ARSG: variants seen among roughly 807,000 people sequenced by gnomAD.
The protein encoded by ARSG is arylsulfatase G.
ARSG carries 37 observed loss-of-function variants against 50.5 expected under a neutral mutation model. The ratio of observed to expected loss-of-function variants is 0.73; its 90% CI spans 0.56 to 0.96. The LOEUF is 0.96. Among genes scored for constraint, ARSG ranks in the 50% least tolerant of loss-of-function variants. The pLI is 0.00. For synonymous variants in ARSG, 225 were observed against 254.6 expected (o/e 0.88, Z 1.11); for missense variants, 629 against 675.3 (o/e 0.93, Z 0.76).
chr17:68,358,946 G>A (rs944541248), intron 6 of ARSG, among the ~76,000 whole-genome samples: 3 of 152,254 alleles, frequency 2.0e-5, no homozygotes, highest in African/African-American at 7.2e-5. Flanking sequence ...GGTGGATCAC[G>A]AGGTCAGGAG....
At chr17:68,431,398 T>C in the ARSG span, among the ~76,000 whole-genome samples, 8 of 151,676 alleles carry the variant, frequency 5.3e-5, no homozygotes, top group African/African-American at 1.5e-4. Context: ...CGCATACTGT[T>C]TTATGGGATG....
At chr17:68,273,417 C>T (rs2075408087) in intron 1 of ARSG, among the ~76,000 whole-genome samples, 1 of 152,032 alleles carries the variant, frequency 6.6e-6, no homozygotes, top group Admixed American at 6.6e-5. Flanking sequence ...GATGGAGTCT[C>T]CCTATGTTGC....
chr17:68,272,509 A>T, intron 1 of ARSG: 1 of 1,059,064 alleles, frequency 9.4e-7, no homozygotes, highest in Non-Finnish European at 1.4e-6. Context: ...GCTGGAGAAG[A>T]GACGTAAATA....
intron 6 of ARSG, among the ~76,000 whole-genome samples, chr17:68,359,094 T>C (rs183271843): frequency 0.014 from 2,187 of 151,016 alleles, 53 homozygotes; most frequent in African/African-American, 0.051. Context: ...ACCCGGGAGG[T>C]GGAGCTTGCA....
chr17:68,448,198 A>G, the ARSG span: 3 of 152,230 alleles, frequency 2.0e-5, no homozygotes, highest in African/African-American at 7.2e-5. Context: ...GACACCACAG[A>G]ATCCCTACCT....
chr17:68,400,835 C>A (rs1332404181), intron 10 of ARSG, among the ~76,000 whole-genome samples: 1 of 152,194 alleles, frequency 6.6e-6, no homozygotes, highest in African/African-American at 2.4e-5. Flanking sequence ...GCCTACTCTT[C>A]CAGAGTTGTA....
intron 4 of ARSG, among the ~76,000 whole-genome samples, chr17:68,350,153 GAC>G (rs2078692917): frequency 6.6e-6 from 1 of 152,152 alleles, no homozygotes. Flanking sequence ...ACCTGTGAGA[GAC>G]ACAGAGCAGA....
chr17:68,280,091 A>C (rs2075643453), intron 1 of ARSG, among the ~76,000 whole-genome samples: 2 of 150,520 alleles, frequency 1.3e-5, no homozygotes, highest in South Asian at 4.2e-4. Context: ...CTGAGGCAGG[A>C]GAATTGCTTG....
In ARSG at chr17:68,367,089, AT is replaced by A. The variant is rs2079582821; in HGVS notation, c.705-1455del. 6.6e-6 allele frequency among the ~76,000 whole-genome samples: 1 copy of A among 152,184 alleles called. No individual in the cohort carries two copies. The highest frequency in any genetic ancestry group is 6.5e-5 in the Admixed American group (1 of 15,268). On this transcript the variant is annotated intron_variant, in intron 6 of 11. Coordinates refer to ENST00000621439, the MANE Select transcript of ARSG (RefSeq NM_001267727.2). This position sits in a 1 kb window ranked among gnomAD's most constrained non-coding sequence, Gnocchi z 4.5. ...GCCATGGAACTTTTAATATGATTTAATTTTCATTAATTTAAATCTAAATAGG... is the reference window on the plus strand; with the variant it reads ...GCCATGGAACTTTTAATATGATTTAATTTCATTAATTTAAATCTAAATAGG...
At chr17:68,390,927 C>T (rs1600055686) in intron 9 of ARSG, among the ~76,000 whole-genome samples, 2 of 141,270 alleles carry the variant, frequency 1.4e-5, no homozygotes, top group Non-Finnish European at 1.5e-5. Context: ...GTGCCCGGTC[C>T]TTTTTTTTTT....
At chr17:68,278,402 C>A in intron 1 of ARSG, 1 of 891,030 alleles carries the variant, frequency 1.1e-6, no homozygotes, top group Non-Finnish European at 1.8e-6. Context: ...CTTAAGCAAA[C>A]AACAGATAAG....
intron 1 of ARSG, among the ~76,000 whole-genome samples, chr17:68,306,635 T>C (rs1555764159): frequency 6.6e-6 from 1 of 152,214 alleles, no homozygotes; most frequent in East Asian, 1.9e-4. Context: ...AGTGGCACAC[T>C]GGGATTTAGC....
the ARSG span, among the ~76,000 whole-genome samples, chr17:68,434,153 T>C: frequency 2.6e-5 from 4 of 152,178 alleles, no homozygotes; most frequent in Admixed American, 2.6e-4. Flanking sequence ...CCTGGCATCT[T>C]GGAATCTTCC....
At chr17:68,292,749 A>T (rs368918618) in intron 1 of ARSG, among the ~76,000 whole-genome samples, 1 of 152,246 alleles carries the variant, frequency 6.6e-6, no homozygotes, top group African/African-American at 2.4e-5. Context: ...TCCTGAGTTA[A>T]ATGCCATCCT....
rs929096751 is a variant in ARSG at position 68,367,037 on chromosome 17, C to T, written c.705-1511C>T. On this transcript the variant is annotated intron_variant, in intron 6 of 11. Transcript: ENST00000621439. This position sits in a 1 kb window ranked among gnomAD's most constrained non-coding sequence, Gnocchi z 4.5. ...TTATTTCACTTAGCATAATATTTTC[C>T]GGGTCCACCCATGTGCTAGCGTGTG... is the stretch of plus-strand genomic sequence containing the variant. Among the ~76,000 whole-genome samples the T allele has an allele frequency of 6.6e-6, 1 of 152,278 alleles. No homozygotes were observed.
At chr17:68,425,991 A>G, downstream of ARSG, 1 of 1,039,464 alleles carries the variant, frequency 9.6e-7, no homozygotes, top group Admixed American at 1.9e-5. Flanking sequence ...AAACAGGGAA[A>G]GGGACTCTGC....
chr17:68,417,578 A>C (rs1285933013), intron 11 of ARSG, among the ~76,000 whole-genome samples: 1 of 151,198 alleles, frequency 6.6e-6, no homozygotes, highest in African/African-American at 2.4e-5. Flanking sequence ...GGGCTTCCCT[A>C]CTCCTGGCAC....
chr17:68,332,134 T>C (rs2077803116), intron 2 of ARSG, among the ~76,000 whole-genome samples: 1 of 152,224 alleles, frequency 6.6e-6, no homozygotes, highest in South Asian at 2.1e-4. Flanking sequence ...ATCCTTTATG[T>C]ACAACCGTGA....
intron 2 of ARSG, among the ~76,000 whole-genome samples, chr17:68,326,038 C>T (rs557333843): frequency 9.9e-5 from 15 of 152,276 alleles, no homozygotes; most frequent in East Asian, 5.8e-4. Flanking sequence ...GGAGAAACAG[C>T]GTTCCTGAGG....
Sources: gnomAD v4.1 joint callset for allele counts (sites outside exome capture counted in the v4.1 genomes callset) on GRCh38, gnomAD v4.1.1 for gene constraint, Gnocchi (gnomAD v3.1) non-coding constraint, MANE v1.5 for transcripts, NCBI Gene and HGNC (gene_info 2026-07-23, HGNC 2026-07-21) for gene names.